The following PAK3 variants were observed in gnomAD, a reference collection of about 807,000 sequenced individuals.
PAK3 encodes the protein p21 (RAC1) activated kinase 3.
A neutral mutation model predicts 41.0 loss-of-function variants in PAK3; 4 were observed. That is an observed-to-expected ratio of 0.10 (90% confidence interval 0.05 to 0.22). The LOEUF (loss-of-function observed/expected upper bound fraction) is 0.22, where lower values mean the gene tolerates loss of function less well. Ranked by LOEUF, PAK3 falls within the 10% of genes least tolerant of loss-of-function variation. The pLI, the probability that PAK3 is intolerant of heterozygous loss-of-function variation, is 1.00. For missense variants in PAK3, 205 were observed against 409.9 expected, an observed-to-expected ratio of 0.50 and a Z score of 4.32; for synonymous variants, 146 against 139.6, an observed-to-expected ratio of 1.05 and a Z score of -0.32.
At chrX:111,162,287 A>G (rs2094200482) in intron 8 of PAK3, among the ~76,000 whole-genome samples, 1 of 111,955 alleles carries the variant, frequency 8.9e-6, no homozygotes, top group African/African-American at 3.2e-5. Context: ...AGTTTATAAA[A>G]TATTGAAAAT....
At chrX:111,145,740 A>G (rs2093935568) in intron 6 of PAK3, among the ~76,000 whole-genome samples, 1 of 111,908 alleles carries the variant, frequency 8.9e-6, no homozygotes, top group African/African-American at 3.2e-5. Flanking sequence ...GTAGCATTTG[A>G]GATATCTTTA....
intron 1 of PAK3, among the ~76,000 whole-genome samples, chrX:111,083,818 G>C (rs909978196): frequency 8.9e-6 from 1 of 112,202 alleles, no homozygotes; most frequent in Admixed American, 9.5e-5. Context: ...ATTGCTCTAC[G>C]CTTTCCCCAT....
intron 1 of PAK3, among the ~76,000 whole-genome samples, chrX:111,090,081 A>G (rs957182898): frequency 3.6e-5 from 4 of 110,083 alleles, no homozygotes; most frequent in African/African-American, 1.3e-4. Context: ...TGAGGTGTTT[A>G]CCTCCAGGGA....
rs2094041770 is a variant in PAK3, at chrX:111,152,406, G to T, written c.431-4G>T. 26 of 1,161,067 alleles carry T rather than the reference G, an allele frequency of 2.2e-5. No homozygotes were observed. The highest frequency in any genetic ancestry group is 3.1e-5 in the Non-Finnish European group (26 of 851,740). ...AAAATGACCTCTCTATTCTCACTTT[G>T]CAGATAAAAGTGCACATGGATACAT... On this transcript the variant is annotated splice_region_variant and splice_polypyrimidine_tract_variant and intron_variant, in intron 7 of 17. Coordinates refer to ENST00000372007, the MANE Select transcript of PAK3 (RefSeq NM_002578.5).
intron 5 of PAK3, among the ~76,000 whole-genome samples, chrX:111,124,488 C>G (rs1603271134): frequency 8.9e-6 from 1 of 111,801 alleles, no homozygotes; most frequent in Non-Finnish European, 1.9e-5. Flanking sequence ...AAAGAACAAA[C>G]AGTTCCTGCA....
chrX:111,163,739 T>C lies in PAK3; in HGVS notation c.766+12T>C. 2 of 1,146,737 alleles carry C rather than the reference T, an allele frequency of 1.7e-6. No individual in the cohort carries two copies. The highest frequency in any genetic ancestry group is 2.4e-6 in the Non-Finnish European group (2 of 836,853). The allele number at this position is 1,146,737 out of a possible 1,213,427, so 94.5% of individuals were successfully genotyped here. A position where few individuals can be genotyped will look rare whatever the true frequency, so the allele number is the denominator to read the frequency against. ...CTTAGAGAAGCTAAGTGAGTACTTC[T>C]TGCCATGATTACTTTCTACACGGGA... is the stretch of plus-strand genomic sequence containing the variant. On this transcript the variant is annotated intron_variant, in intron 10 of 17. Transcript: ENST00000372007.
chrX:111,220,374 T>C lies in PAK3; in HGVS notation c.1562T>C (p.Leu521Ser), dbSNP rs977704299. 2 of 1,195,349 alleles carry C rather than the reference T, an allele frequency of 1.7e-6. No individual in the cohort carries two copies. Among genetic ancestry groups the C allele is most frequent in the African/African-American group, 3.5e-5 (2 of 56,767 alleles). Residue 521 changes from leucine to serine, a missense_variant, in exon 18 of 18, where the codon TTA (leucine) becomes TCA (serine). Physicochemically the swap from Leu to Ser is moderately radical, Grantham distance 145 (BLOSUM62 -2). This residue lies in a region of PAK3 where 40 missense variants were observed against 54.4 expected (regional missense o/e 0.74). Transcript: ENST00000372007. Reference sequence around the variant, plus strand: ...CTTTTGCAGCATCCATTTTTAAAATTAGCCAAGCCTCTCTCCAGCCTGACT... The same window carrying C: ...CTTTTGCAGCATCCATTTTTAAAATCAGCCAAGCCTCTCTCCAGCCTGACT... ...KELLQHPFLKLAKPLSSLTPL... is the reference protein window; with the variant it reads ...KELLQHPFLKSAKPLSSLTPL...
chrX:111,141,984 G>A, intron 5 of PAK3, 112 bp from the exon 6 acceptor site: 1 of 546,213 alleles, frequency 1.8e-6, no homozygotes, highest in Non-Finnish European at 3.3e-6. Context: ...TTAAAATTGT[G>A]TTGGAATCAA....
chrX:111,050,322 G>A (rs2092545252), intron 1 of PAK3, among the ~76,000 whole-genome samples: 1 of 111,495 alleles, frequency 9.0e-6, no homozygotes, highest in African/African-American at 3.3e-5. Flanking sequence ...AAGCAATGGA[G>A]AATGCCTCTA....
chrX:111,155,276 A>G (rs750202826), intron 8 of PAK3, among the ~76,000 whole-genome samples: 2 of 110,209 alleles, frequency 1.8e-5, no homozygotes, highest in South Asian at 4.1e-4. Flanking sequence ...CTAGGTGGGC[A>G]GATCGCTTGA....
intron 3 of PAK3, among the ~76,000 whole-genome samples, chrX:111,099,744 G>C (rs2093088918): frequency 3.0e-5 from 3 of 99,831 alleles, no homozygotes; most frequent in African/African-American, 1.1e-4. Flanking sequence ...CCCAGACAGT[G>C]ACAGTCTGGG....
intron 1 of PAK3, among the ~76,000 whole-genome samples, chrX:111,028,485 A>G (rs180886389): frequency 1.2e-3 from 139 of 111,874 alleles, no homozygotes; most frequent in African/African-American, 4.2e-3. Flanking sequence ...TGTATATTTT[A>G]CCACAATGAA....
intron 11 of PAK3, among the ~76,000 whole-genome samples, chrX:111,178,790 T>A (rs1316600373): frequency 9.1e-6 from 1 of 109,787 alleles, no homozygotes; most frequent in African/African-American, 3.3e-5. Context: ...ATTTAACAAG[T>A]AGGGTTTATA....
At chrX:111,074,925 G>T (rs1279514713) in intron 1 of PAK3, among the ~76,000 whole-genome samples, 2 of 111,456 alleles carry the variant, frequency 1.8e-5, no homozygotes, top group Non-Finnish European at 3.8e-5. Flanking sequence ...ATGCCCTAGG[G>T]GTCTGTGTGT....
At chrX:110,956,231 GT>G (rs2090854514) in intron 1 of PAK3, among the ~76,000 whole-genome samples, 1 of 111,992 alleles carries the variant, frequency 8.9e-6, no homozygotes, top group Non-Finnish European at 1.9e-5. Flanking sequence ...CTTCACTTGT[GT>G]AATGGGGATA....
rs187178578 is a variant in PAK3 at position 110,998,701 on chromosome X, G to A, written c.-28+54073G>A. On this transcript the variant is annotated intron_variant, in intron 1 of 14. Coordinates refer to the PAK3 transcript ENST00000425146. ...GCATTAGAATGTAAGCTTATTGAGGGCAAGGACTTTGTCTTGTGCATATTC... is the reference window on the plus strand; with the variant it reads ...GCATTAGAATGTAAGCTTATTGAGGACAAGGACTTTGTCTTGTGCATATTC... Among the ~76,000 whole-genome samples the A allele has an allele frequency of 4.5e-5, 5 of 112,154 alleles. No individual in the cohort carries two copies. The East Asian group carries it at 1.1e-3, about 25-fold the overall frequency.
intron 1 of PAK3, among the ~76,000 whole-genome samples, chrX:111,057,432 C>T (rs2092613889): frequency 8.9e-6 from 1 of 111,784 alleles, no homozygotes; most frequent in African/African-American, 3.3e-5. Context: ...TTGTAAATAT[C>T]ATGATTCGTG....
rs190200961 is a variant in PAK3 at position 111,020,901 on chromosome X, G to C, written c.-28+76273G>C. Among the ~76,000 whole-genome samples, 88 of 110,743 alleles carry C rather than the reference G, an allele frequency of 7.9e-4. 1 individual carries two copies. The Middle Eastern group carries it at 0.014, about 17-fold the overall frequency. The stretch of plus-strand genomic sequence containing the variant: ...ACTGCCAGCTTTCCACCACTTCCCT[G>C]GTGACCTGTGTGACTTATCAGAGGC... On this transcript the variant is annotated intron_variant, in intron 1 of 14. Transcript: ENST00000425146.
At chrX:111,043,142 A>G (rs1466665466) in intron 1 of PAK3, among the ~76,000 whole-genome samples, 2 of 110,385 alleles carry the variant, frequency 1.8e-5, no homozygotes, top group East Asian at 5.7e-4. Context: ...AAAATGTAAA[A>G]GATTAGCCAG....
Sources: allele counts gnomAD v4.1 joint callset (sites outside exome capture counted in the v4.1 genomes callset), GRCh38; gene constraint gnomAD v4.1.1; regional missense constraint gnomAD v4.1.1; transcripts MANE v1.5; gene names NCBI Gene and HGNC (gene_info 2026-07-23, HGNC 2026-07-21).